CAMK1D: variants seen among roughly 807,000 people sequenced by gnomAD.
CAMK1D encodes the protein calcium/calmodulin dependent protein kinase ID, also known as calcium/calmodulin-dependent protein kinase type 1D.
CAMK1D carries 9 observed loss-of-function variants against 47.7 expected under a neutral mutation model. The observed-to-expected ratio is 0.19, with a 90% CI of 0.11 to 0.33. CAMK1D has a LOEUF of 0.33. CAMK1D is among the 10% of genes least tolerant of loss of function. The pLI, the probability that CAMK1D is intolerant of heterozygous loss-of-function variation, is 1.00. For synonymous variants in CAMK1D, 184 were observed against 184.9 expected (o/e 0.99, Z 0.04); for missense variants, 291 against 488.7 (o/e 0.60, Z 3.81).
chr10:12,781,209 A>G (rs930202220), intron 5 of CAMK1D, among the ~76,000 whole-genome samples: 1 of 152,240 alleles, frequency 6.6e-6, no homozygotes, highest in Non-Finnish European at 1.5e-5. Flanking sequence ...TCATGATTAA[A>G]AACCAAAACC....
rs527584276 is a variant in CAMK1D, at chr10:12,633,934, T to C, written c.225-32802T>C. Among the ~76,000 whole-genome samples, 9 of 152,326 alleles carry C rather than the reference T, an allele frequency of 5.9e-5. No individual in the cohort carries two copies. In the South Asian group the frequency reaches 1.9e-3, roughly 32 times the overall value. Reference sequence around the variant, plus strand: ...ACCCTTTTGCAGTGGTTTGACTCTTTGAGGCCGTGGTCCGTGGAGTTTGAA... The same window carrying C: ...ACCCTTTTGCAGTGGTTTGACTCTTCGAGGCCGTGGTCCGTGGAGTTTGAA... On this transcript the variant is annotated intron_variant, in intron 2 of 10. Coordinates refer to ENST00000619168, the MANE Select transcript of CAMK1D (RefSeq NM_153498.4).
intron 3 of CAMK1D, among the ~76,000 whole-genome samples, chr10:12,740,532 A>AG (rs1207575612): frequency 6.6e-6 from 1 of 152,198 alleles, no homozygotes; most frequent in East Asian, 1.9e-4. Flanking sequence ...TGGGAGGTGG[A>AG]GATTACAGTG....
intron 1 of CAMK1D, among the ~76,000 whole-genome samples, chr10:12,403,274 A>G (rs1839294209): frequency 6.6e-6 from 1 of 152,260 alleles, no homozygotes; most frequent in African/African-American, 2.4e-5. Flanking sequence ...TTGTGTTCAC[A>G]TGGACATCTG....
At chr10:12,726,194 G>C (rs868470826) in intron 3 of CAMK1D, among the ~76,000 whole-genome samples, 7 of 152,030 alleles carry the variant, frequency 4.6e-5, no homozygotes, top group Non-Finnish European at 7.4e-5. Flanking sequence ...GGGAGGCCTA[G>C]GCGGGTGGAT....
chr10:12,783,190 A>G (rs1489208451), intron 5 of CAMK1D, among the ~76,000 whole-genome samples: 1 of 151,942 alleles, frequency 6.6e-6, no homozygotes, highest in Non-Finnish European at 1.5e-5. Context: ...ACGGGGTTTC[A>G]CCATGTTGGC....
chr10:12,771,784 A>G (rs1837050946), intron 5 of CAMK1D, among the ~76,000 whole-genome samples: 1 of 152,226 alleles, frequency 6.6e-6, no homozygotes, highest in Admixed American at 6.5e-5. Context: ...CTGTAATCCC[A>G]GCACTTTGAG....
chr10:12,541,685 C>T (rs1014796513), intron 1 of CAMK1D, among the ~76,000 whole-genome samples: 8 of 151,678 alleles, frequency 5.3e-5, no homozygotes, highest in South Asian at 2.1e-4. Context: ...ATGGTCCATT[C>T]GGATTCTCTG....
chr10:12,569,569 AT>A lies in CAMK1D; in HGVS notation c.224+16215del, dbSNP rs1457237471. On this transcript the variant is annotated intron_variant, in intron 2 of 10. Transcript: ENST00000619168. ...ACTAAAAATACAAAAAAAAAAAAAA[AT>A]TAGCCGGGCTTGGTGGCGGGCGCCT... is the stretch of plus-strand genomic sequence containing the variant. 2.4e-4 allele frequency among the ~76,000 whole-genome samples: 36 copies of A among 149,986 alleles called. 1 individual carries two copies. In the East Asian group the frequency reaches 5.0e-3, roughly 21 times the overall value.
intron 2 of CAMK1D, among the ~76,000 whole-genome samples, chr10:12,637,269 G>A (rs1410164268): frequency 1.3e-5 from 2 of 152,124 alleles, no homozygotes; most frequent in Non-Finnish European, 2.9e-5. Context: ...ACTGCGCCAC[G>A]TCCATACTTT....
At chr10:12,514,836 T>A (rs1835142454) in intron 1 of CAMK1D, among the ~76,000 whole-genome samples, 1 of 151,538 alleles carries the variant, frequency 6.6e-6, no homozygotes, top group African/African-American at 2.4e-5. Flanking sequence ...AGCCTTTATT[T>A]TATTTTATTG....
chr10:12,734,345 A>AAAT (rs1835040910), intron 3 of CAMK1D, among the ~76,000 whole-genome samples: 1 of 8,476 alleles, frequency 1.2e-4, no homozygotes, highest in African/African-American at 2.9e-4. Context: ...AAAAAAAAAA[A>AAAT]ATATATATAT....
intron 1 of CAMK1D, among the ~76,000 whole-genome samples, chr10:12,372,154 G>A (rs1364753458): frequency 6.6e-6 from 1 of 152,148 alleles, no homozygotes; most frequent in African/African-American, 2.4e-5. Flanking sequence ...CCATACCTAG[G>A]TTTGTGTAAA....
At chr10:12,365,147 G>T (rs1837793684) in intron 1 of CAMK1D, among the ~76,000 whole-genome samples, 1 of 151,822 alleles carries the variant, frequency 6.6e-6, no homozygotes, top group African/African-American at 2.4e-5. Flanking sequence ...ATAGAGACAG[G>T]GTTTCACCAT....
intron 2 of CAMK1D, among the ~76,000 whole-genome samples, chr10:12,611,243 C>T (rs1344557480): frequency 6.6e-6 from 1 of 152,256 alleles, no homozygotes; most frequent in South Asian, 2.1e-4. Flanking sequence ...CATCAAAGTG[C>T]AGGCAACCCG....
At chr10:12,466,120 C>T (rs1833581208) in intron 1 of CAMK1D, among the ~76,000 whole-genome samples, 2 of 151,778 alleles carry the variant, frequency 1.3e-5, no homozygotes, top group South Asian at 4.2e-4. Flanking sequence ...GAGTTCGAGA[C>T]TAGCCTGGGC....
intron 1 of CAMK1D, among the ~76,000 whole-genome samples, chr10:12,464,538 G>A (rs898602246): frequency 1.3e-4 from 20 of 152,148 alleles, no homozygotes; most frequent in Admixed American, 5.2e-4. Flanking sequence ...GGTCAAGGCC[G>A]GGCGCCGTGG....
intron 1 of CAMK1D, among the ~76,000 whole-genome samples, chr10:12,386,774 G>C (rs1414162158): frequency 6.6e-6 from 1 of 152,088 alleles, no homozygotes; most frequent in African/African-American, 2.4e-5. Flanking sequence ...TCTCCTTCTT[G>C]CCTTGCTGTG....
Position 12,814,246 on chromosome 10 carries a change from G to A in CAMK1D, c.693G>A (p.Glu231=), listed in dbSNP as rs1832714378. 3.7e-6 allele frequency: 6 copies of A among 1,614,048 alleles called. No homozygotes were observed. The highest frequency in any genetic ancestry group is 1.3e-5 in the African/African-American group (1 of 75,004). Residue 231 remains glutamate, a synonymous_variant, in exon 7 of 11, where the codon GAG becomes GAA. Transcript: ENST00000619168. ...FYDENDSKLF[E]QILKAEYEFD... Reference sequence around the variant, plus strand: ...ATGAAAATGACTCCAAGCTCTTTGAGCAGATCCTCAAGGCGGAATATGAGT... The same window carrying A: ...ATGAAAATGACTCCAAGCTCTTTGAACAGATCCTCAAGGCGGAATATGAGT...
intron 2 of CAMK1D, among the ~76,000 whole-genome samples, chr10:12,582,108 G>A (rs1178110102): frequency 6.6e-6 from 1 of 152,038 alleles, no homozygotes; most frequent in Non-Finnish European, 1.5e-5. Flanking sequence ...TCTACATGTG[G>A]CTAACCAATT....
Sources: allele counts gnomAD v4.1 joint callset (sites outside exome capture counted in the v4.1 genomes callset), GRCh38; gene constraint gnomAD v4.1.1; transcripts MANE v1.5; gene names NCBI Gene and HGNC (gene_info 2026-07-23, HGNC 2026-07-21).